TFEC: variants seen among roughly 807,000 people sequenced by gnomAD.
TFEC encodes class E basic helix-loop-helix protein 34.
In TFEC, 31 loss-of-function variants were observed where a neutral mutation model predicts 41.6. The observed-to-expected ratio is 0.74, with a 90% CI of 0.56 to 1.01. TFEC has a LOEUF of 1.01. TFEC is among the 50% of genes least tolerant of loss of function. The pLI, the probability that TFEC is intolerant of heterozygous loss-of-function variation, is 0.00. For synonymous variants in TFEC, 143 were observed against 140.6 expected, an observed-to-expected ratio of 1.02 and a Z score of -0.12; for missense variants, 402 against 404.1, an observed-to-expected ratio of 0.99 and a Z score of 0.04.
At chr7:115,951,984 A>C (rs1791970036) in intron 5 of TFEC, among the ~76,000 whole-genome samples, 1 of 152,070 alleles carries the variant, frequency 6.6e-6, no homozygotes, top group South Asian at 2.1e-4. Context: ...GGGGAAGTAA[A>C]GGTAGAAAAG....
At chr7:116,134,718 C>A (rs1160179945) in intron 1 of TFEC, among the ~76,000 whole-genome samples, 2 of 152,078 alleles carry the variant, frequency 1.3e-5, no homozygotes, top group African/African-American at 4.8e-5. Flanking sequence ...CAAATACTTT[C>A]TCTAATTATA....
At position 115,940,432 on chromosome 7, in the gene TFEC, G is replaced by T; in HGVS notation, c.*119C>A. The T allele has an allele frequency of 9.0e-7, 1 of 1,113,120 alleles. No individual in the cohort carries two copies. Among genetic ancestry groups the T allele is most frequent in the Non-Finnish European group, 1.2e-6 (1 of 815,902 alleles). 69.0% of individuals were successfully genotyped at this position (1,113,120 alleles called of 1,614,324 possible). ...TCTGTTGCTTCTATCAGTTTTTCAT[G>T]AACAACACATTCCTTTAAGAAAAAA... On this transcript the variant is annotated 3_prime_UTR_variant, in exon 8 of 8. Transcript: ENST00000265440.
At chr7:116,029,910 A>T (rs1795730931) in intron 1 of TFEC, among the ~76,000 whole-genome samples, 1 of 151,540 alleles carries the variant, frequency 6.6e-6, no homozygotes, top group South Asian at 2.1e-4. Context: ...GATACAAAAA[A>T]AAAAAATTAG....
Position 115,938,897 on chromosome 7 carries a change from A to T in TFEC, c.*1654T>A, listed in dbSNP as rs1052306650. ...GTCTTATGCTTCAGAACTCCCCAAC[A>T]GACATCTTCTAGGGCATCCAGATCT... is the stretch of plus-strand genomic sequence containing the variant. On this transcript the variant is annotated 3_prime_UTR_variant, in exon 8 of 8. Coordinates refer to ENST00000265440, the MANE Select transcript of TFEC (RefSeq NM_012252.4). The T allele has an allele frequency of 1.6e-4, 25 of 151,962 alleles. No individual in the cohort carries two copies. The highest frequency in any genetic ancestry group is 6.0e-4 in the African/African-American group (25 of 41,426). The allele number at this position is 151,962 out of a possible 1,614,324, so 9.4% of individuals were successfully genotyped here.
At chr7:115,972,834 G>T (rs1327924036) in intron 3 of TFEC, among the ~76,000 whole-genome samples, 1 of 151,984 alleles carries the variant, frequency 6.6e-6, no homozygotes, top group Non-Finnish European at 1.5e-5. Context: ...ATTTGACAGA[G>T]AATGTTTCAG....
At chr7:115,950,987 T>A in intron 5 of TFEC, 38 bp from the exon 6 acceptor site, 1 of 1,336,200 alleles carries the variant, frequency 7.5e-7, no homozygotes. Flanking sequence ...TTCTCATTAA[T>A]GCACAGTTCA....
In TFEC at chr7:116,046,086, G is replaced by T. The variant is rs1407244379; in HGVS notation, c.199-61573C>A. Reference sequence around the variant, plus strand: ...AACTAGCTTGCTTTTGATTTTACAGGCTTATAGGCAGAAGGGACTTGCCTT... The same window carrying T: ...AACTAGCTTGCTTTTGATTTTACAGTCTTATAGGCAGAAGGGACTTGCCTT... On this transcript the variant is annotated intron_variant, in intron 3 of 8. Coordinates refer to the TFEC transcript ENST00000484212. Among the ~76,000 whole-genome samples, 3 of 152,104 alleles carry T rather than the reference G, an allele frequency of 2.0e-5. No individual in the cohort carries two copies. In the East Asian group the frequency reaches 5.8e-4, roughly 29 times the overall value.
chr7:116,072,390 G>T (rs921498670), intron 3 of TFEC, among the ~76,000 whole-genome samples: 2 of 151,496 alleles, frequency 1.3e-5, no homozygotes, highest in African/African-American at 4.8e-5. Flanking sequence ...AGCTACAATT[G>T]TATGTATTTT....
intron 1 of TFEC, among the ~76,000 whole-genome samples, chr7:116,153,167 G>T (rs1196172098): frequency 6.6e-6 from 1 of 152,134 alleles, no homozygotes; most frequent in Non-Finnish European, 1.5e-5. Context: ...ATACCAACAG[G>T]CTGGACAAAT....
At chr7:116,002,384 C>T (rs745740986) in intron 1 of TFEC, among the ~76,000 whole-genome samples, 7 of 152,196 alleles carry the variant, frequency 4.6e-5, no homozygotes, top group South Asian at 2.1e-4. Context: ...ACAGCATGGA[C>T]GGTGCTGGAA....
intron 3 of TFEC, among the ~76,000 whole-genome samples, chr7:116,098,381 C>G (rs908240964): frequency 6.6e-6 from 1 of 151,834 alleles, no homozygotes; most frequent in East Asian, 1.9e-4. Context: ...CTGGTCTCGG[C>G]GTGAACCACT....
At chr7:115,950,989 C>T (rs765785562) in intron 5 of TFEC, 40 bp from the exon 6 acceptor site, 1 of 1,303,520 alleles carries the variant, frequency 7.7e-7, no homozygotes, top group South Asian at 1.4e-5. Flanking sequence ...CTCATTAATG[C>T]ACAGTTCACT....
intron 1 of TFEC, among the ~76,000 whole-genome samples, chr7:116,144,653 A>G (rs74480773): frequency 0.028 from 4,293 of 152,272 alleles, 199 homozygotes; most frequent in African/African-American, 0.097. Context: ...CCTGGCCTCA[A>G]CATTGACATT....
chr7:115,968,048 G>T (rs967186347), intron 3 of TFEC: 1 of 826,412 alleles, frequency 1.2e-6, no homozygotes, highest in Non-Finnish European at 1.7e-6. Context: ...CAATACAGCA[G>T]AATATATTTT....
intron 1 of TFEC, among the ~76,000 whole-genome samples, chr7:116,130,410 A>G (rs1798309324): frequency 6.6e-6 from 1 of 152,232 alleles, no homozygotes; most frequent in African/African-American, 2.4e-5. Context: ...AAGGAGATGA[A>G]AATGGTAATA....
At chr7:115,999,098 TAA>T (rs1365614626) in intron 1 of TFEC, among the ~76,000 whole-genome samples, 2 of 151,812 alleles carry the variant, frequency 1.3e-5, no homozygotes, top group Non-Finnish European at 3.0e-5. Context: ...AAAATTCACA[TAA>T]GTCTTAAAAA....
At chr7:116,050,642 AAAC>A (rs1321972962) in intron 3 of TFEC, among the ~76,000 whole-genome samples, 2 of 152,164 alleles carry the variant, frequency 1.3e-5, no homozygotes. Flanking sequence ...AAAAGTCAAG[AAAC>A]AACAGGTGCT....
At chr7:116,120,021 G>C (rs765964609) in intron 1 of TFEC, 3 of 151,542 alleles carry the variant, frequency 2.0e-5, no homozygotes, top group Non-Finnish European at 4.4e-5. Flanking sequence ...GAGCTGCAGT[G>C]AATGTTATGA....
intron 3 of TFEC, among the ~76,000 whole-genome samples, chr7:115,971,017 T>C (rs541114563): frequency 6.6e-6 from 1 of 152,196 alleles, no homozygotes; most frequent in South Asian, 2.1e-4. Context: ...TAATTATTGG[T>C]AAATATTCTC....
Sources: gnomAD v4.1 joint callset for allele counts (sites outside exome capture counted in the v4.1 genomes callset) on GRCh38, gnomAD v4.1.1 for gene constraint, MANE v1.5 for transcripts, NCBI Gene and HGNC (gene_info 2026-07-23, HGNC 2026-07-21) for gene names.